Variants in PIGK observed in about 807,000 individuals in gnomAD.
The protein encoded by PIGK is GPI-anchor transamidase.
A neutral mutation model predicts 50.6 loss-of-function variants in PIGK; 42 were observed. The ratio of observed to expected loss-of-function variants is 0.83; its 90% CI spans 0.65 to 1.07. The LOEUF (loss-of-function observed/expected upper bound fraction) is 1.07. Among genes scored for constraint, PIGK ranks in the 50% least tolerant of loss-of-function variants. The pLI, the probability that PIGK is intolerant of heterozygous loss-of-function variation, is 0.00. For synonymous variants in PIGK, 151 were observed against 156.0 expected (o/e 0.97, Z 0.24); for missense variants, 448 against 488.7 (o/e 0.92, Z 0.78).
At chr1:77,150,804 CAG>C (rs2100549055) in intron 9 of PIGK, among the ~76,000 whole-genome samples, 1 of 152,044 alleles carries the variant, frequency 6.6e-6, no homozygotes, top group African/African-American at 2.4e-5. Context: ...CAGAAAGAAA[CAG>C]AAAATCTAAA....
At chr1:77,142,012 A>C (rs889793982) in intron 9 of PIGK, among the ~76,000 whole-genome samples, 1 of 152,200 alleles carries the variant, frequency 6.6e-6, no homozygotes, top group Non-Finnish European at 1.5e-5. Context: ...TTCAATACTA[A>C]TATGGCAATG....
At chr1:77,190,241 A>C (rs1655867728) in intron 3 of PIGK, among the ~76,000 whole-genome samples, 1 of 151,810 alleles carries the variant, frequency 6.6e-6, no homozygotes, top group Non-Finnish European at 1.5e-5. Context: ...AAAACAAAAA[A>C]CAAAAAAAAA....
chr1:77,092,403 C>A lies in PIGK; in HGVS notation c.1159G>T (p.Gly387Ter), dbSNP rs1653321039. ...AAAATGAACTTCATATGCTTAATTCCATAAGTTTTGAAGAAAACCATGATA... is the reference window on the plus strand; with the variant it reads ...AAAATGAACTTCATATGCTTAATTCAATAAGTTTTGAAGAAAACCATGATA... ...LIIMVFFKTY[G>*]IKHMKFIF is the part of the protein sequence containing the mutation. Residue 387 changes from glycine (G) to a stop codon, truncating the protein, a stop_gained, in exon 11 of 11, where the codon GGA (glycine) becomes TGA (stop). Coordinates refer to ENST00000370812, the MANE Select transcript of PIGK (RefSeq NM_005482.3). LOFTEE classifies it high-confidence loss of function. 1 of 1,594,150 alleles carries A rather than the reference C, an allele frequency of 6.3e-7. No homozygotes were observed. The highest frequency in any genetic ancestry group is 1.3e-5 in the African/African-American group (1 of 74,448).
chr1:77,118,361 T>C (rs895997519), intron 10 of PIGK, among the ~76,000 whole-genome samples: 1 of 152,138 alleles, frequency 6.6e-6, no homozygotes, highest in Non-Finnish European at 1.5e-5. Flanking sequence ...TGCCTCATCC[T>C]CCTGAGTAGC....
At chr1:77,191,684 G>A (rs1439315218) in intron 3 of PIGK, among the ~76,000 whole-genome samples, 1 of 152,232 alleles carries the variant, frequency 6.6e-6, no homozygotes, top group Non-Finnish European at 1.5e-5. Flanking sequence ...AAAGAACTCA[G>A]ATGTCTATTT....
intron 4 of PIGK, among the ~76,000 whole-genome samples, chr1:77,168,636 G>T (rs1655286291): frequency 6.6e-6 from 1 of 151,256 alleles, no homozygotes; most frequent in South Asian, 2.1e-4. Context: ...TTTTAAAATT[G>T]CTTCAAAAGT....
At chr1:77,194,433 A>G (rs190882598) in intron 3 of PIGK, among the ~76,000 whole-genome samples, 1 of 152,194 alleles carries the variant, frequency 6.6e-6, no homozygotes, top group African/African-American at 2.4e-5. Context: ...GTAGTACATA[A>G]CACCATGAAA....
At chr1:77,205,587 T>C (rs185257947) in intron 3 of PIGK, among the ~76,000 whole-genome samples, 4 of 152,114 alleles carry the variant, frequency 2.6e-5, no homozygotes, top group Admixed American at 2.6e-4. Context: ...GTACTATTAT[T>C]ACCATGTAAC....
intron 1 of PIGK, among the ~76,000 whole-genome samples, chr1:77,211,702 C>T (rs1656425220): frequency 6.6e-6 from 1 of 151,532 alleles, no homozygotes. Flanking sequence ...AAAATCTCTG[C>T]AATTATGTTA....
chr1:77,155,679 C>T (rs911241367), intron 8 of PIGK, among the ~76,000 whole-genome samples: 3 of 151,574 alleles, frequency 2.0e-5, no homozygotes, highest in East Asian at 1.9e-4. Flanking sequence ...GTTGCAGAGA[C>T]GTGCAAAGCA....
chr1:77,099,966 T>C (rs947928026), intron 10 of PIGK, among the ~76,000 whole-genome samples: 2 of 144,098 alleles, frequency 1.4e-5, no homozygotes, highest in East Asian at 4.0e-4. Flanking sequence ...TACCCTCTTA[T>C]TGAAATGCCT....
intron 9 of PIGK, among the ~76,000 whole-genome samples, chr1:77,141,744 A>G (rs1187149420): frequency 6.6e-6 from 1 of 152,114 alleles, no homozygotes; most frequent in Non-Finnish European, 1.5e-5. Context: ...AACAATATTT[A>G]CTATATTAAT....
chr1:77,208,777 G>A (rs935164422), intron 2 of PIGK, among the ~76,000 whole-genome samples: 2 of 152,060 alleles, frequency 1.3e-5, no homozygotes, highest in African/African-American at 4.8e-5. Flanking sequence ...TAATCACAAT[G>A]CTATTACATT....
At chr1:77,124,426 C>T (rs1439919431) in intron 9 of PIGK, among the ~76,000 whole-genome samples, 2 of 151,988 alleles carry the variant, frequency 1.3e-5, no homozygotes, top group Non-Finnish European at 1.5e-5. Flanking sequence ...CTGGCCAACA[C>T]AGTGAAACCT....
At chr1:77,193,102 A>T (rs1655947879) in intron 3 of PIGK, among the ~76,000 whole-genome samples, 1 of 152,120 alleles carries the variant, frequency 6.6e-6, no homozygotes, top group African/African-American at 2.4e-5. Flanking sequence ...TTAATATAAA[A>T]CTCTGTGAAA....
rs557466651 is a variant in PIGK, at chr1:77,179,016, G to A, written c.240-9621C>T. Among the ~76,000 whole-genome samples the A allele has an allele frequency of 9.2e-5, 14 of 152,286 alleles. No individual in the cohort carries two copies. The South Asian group carries it at 2.7e-3, about 29-fold the overall frequency. Reference sequence around the variant, plus strand: ...CCACTGTTTTGGACTGAGATCATGCGCTAGGCCCCAACAGACCACAAAAAA... The same window carrying A: ...CCACTGTTTTGGACTGAGATCATGCACTAGGCCCCAACAGACCACAAAAAA... On this transcript the variant is annotated intron_variant, in intron 3 of 10. Transcript: ENST00000370812.
intron 8 of PIGK, among the ~76,000 whole-genome samples, chr1:77,157,604 G>A (rs190817804): frequency 4.2e-4 from 64 of 152,274 alleles, no homozygotes; most frequent in Admixed American, 1.0e-3. Context: ...TTTTTTTACA[G>A]TTAAAGTAGC....
chr1:77,168,059 G>A (rs1049316559), intron 4 of PIGK, among the ~76,000 whole-genome samples: 8 of 151,640 alleles, frequency 5.3e-5, no homozygotes, highest in African/African-American at 9.7e-5. Context: ...CCAAAATTAC[G>A]TATCTTTAAT....
At chr1:77,133,372 C>A (rs1422615513) in intron 9 of PIGK, among the ~76,000 whole-genome samples, 1 of 152,092 alleles carries the variant, frequency 6.6e-6, no homozygotes, top group African/African-American at 2.4e-5. Flanking sequence ...AAACTCCCCA[C>A]CTTTTCATCT....
Sources: allele counts gnomAD v4.1 joint callset (sites outside exome capture counted in the v4.1 genomes callset), GRCh38; gene constraint gnomAD v4.1.1; transcripts MANE v1.5; gene names NCBI Gene and HGNC (gene_info 2026-07-23, HGNC 2026-07-21).